DPH6: variants seen among roughly 807,000 people sequenced by gnomAD.
DPH6 encodes the protein diphthine--ammonia ligase.
A neutral mutation model predicts 38.2 loss-of-function variants in DPH6; 33 were observed. The ratio of observed to expected loss-of-function variants is 0.86; its 90% CI spans 0.65 to 1.15. The LOEUF is 1.15. DPH6 is among the 50% of genes most tolerant of loss of function. The pLI is 0.00. For synonymous variants in DPH6, 108 were observed against 103.0 expected, an observed-to-expected ratio of 1.05 and a Z score of -0.30; for missense variants, 325 against 320.0, an observed-to-expected ratio of 1.02 and a Z score of -0.12.
At chr15:35,168,804 C>G in the DPH6 span, among the ~76,000 whole-genome samples, 1 of 152,072 alleles carries the variant, frequency 6.6e-6, no homozygotes, top group Admixed American at 6.6e-5. Context: ...AAAACTACTC[C>G]TAGTAGAACA....
chr15:35,242,057 C>T (rs564460891), intron 3 of DPH6, among the ~76,000 whole-genome samples: 5,930 of 143,212 alleles, frequency 0.041, 643 homozygotes, highest in African/African-American at 0.14. Flanking sequence ...TTGCACCCGT[C>T]ATCCCAGCCT....
At chr15:35,231,144 T>C (rs1328060753) in intron 3 of DPH6, among the ~76,000 whole-genome samples, 1 of 152,234 alleles carries the variant, frequency 6.6e-6, no homozygotes, top group Non-Finnish European at 1.5e-5. Context: ...CCCAGAGCAC[T>C]GTAGACTGTG....
At chr15:35,502,470 T>C (rs1417597707) in intron 3 of DPH6, among the ~76,000 whole-genome samples, 4 of 152,174 alleles carry the variant, frequency 2.6e-5, no homozygotes, top group African/African-American at 9.6e-5. Flanking sequence ...TTTATATTGA[T>C]GAATCTAAAC....
chr15:35,492,258 C>T (rs1004520302), intron 3 of DPH6, among the ~76,000 whole-genome samples: 4 of 152,102 alleles, frequency 2.6e-5, no homozygotes, highest in African/African-American at 9.7e-5. Context: ...ACTCCGTTTA[C>T]AAATTCAAAT....
chr15:35,510,375 A>G (rs946508888), intron 3 of DPH6, among the ~76,000 whole-genome samples: 8 of 152,196 alleles, frequency 5.3e-5, no homozygotes, highest in African/African-American at 1.9e-4. Context: ...TTATTGCTGG[A>G]AGCTCTGTCC....
intron 6 of DPH6, among the ~76,000 whole-genome samples, chr15:35,390,391 C>T (rs1253533483): frequency 1.3e-5 from 2 of 152,172 alleles, no homozygotes; most frequent in African/African-American, 4.8e-5. Flanking sequence ...GTTGGCCTGC[C>T]TTGCTAGATT....
chr15:35,152,780 T>C, the DPH6 span, among the ~76,000 whole-genome samples: 10 of 152,340 alleles, frequency 6.6e-5, no homozygotes, highest in African/African-American at 2.4e-4. Context: ...ATTACAGGTG[T>C]GAGCCACTCA....
At chr15:35,454,570 A>G (rs1313185007) in intron 4 of DPH6, among the ~76,000 whole-genome samples, 177 bp downstream of exon 4, 1 of 152,136 alleles carries the variant, frequency 6.6e-6, no homozygotes, top group Non-Finnish European at 1.5e-5. Flanking sequence ...GTGAGATATA[A>G]GGATAGAAAA....
chr15:35,458,660 C>T (rs371951090), intron 3 of DPH6, among the ~76,000 whole-genome samples: 13 of 152,120 alleles, frequency 8.5e-5, no homozygotes, highest in African/African-American at 3.1e-4. Context: ...TGTACTGAGA[C>T]AGCATAAAGA....
rs190234543 is a variant in DPH6, at chr15:35,238,988, A to G, written n.201-18406T>C. 3.5e-3 allele frequency among the ~76,000 whole-genome samples: 515 copies of G among 145,512 alleles called. 17 individuals carry two copies. The highest frequency in any genetic ancestry group is 0.012 in the African/African-American group (492 of 40,120). On this transcript the variant is annotated intron_variant and non_coding_transcript_variant, in intron 3 of 3. Transcript: ENST00000560386. ...CTCTTTTCGGACTCAGCCCGCCTGC[A>G]CCCAGGTGAAATAAACAGCCATGTT...
intron 3 of DPH6, among the ~76,000 whole-genome samples, chr15:35,530,485 T>C (rs761347873): frequency 2.0e-5 from 3 of 152,048 alleles, no homozygotes; most frequent in Non-Finnish European, 4.4e-5. Flanking sequence ...GAAAGGAATA[T>C]AGGATATAAA....
intron 5 of DPH6, among the ~76,000 whole-genome samples, chr15:35,425,405 T>C (rs1383058127): frequency 6.6e-6 from 1 of 151,592 alleles, no homozygotes; most frequent in Non-Finnish European, 1.5e-5. Context: ...GACAGAGCCA[T>C]ATGTTTTACT....
chr15:35,185,360 A>G, the DPH6 span, among the ~76,000 whole-genome samples: 1 of 152,188 alleles, frequency 6.6e-6, no homozygotes, highest in African/African-American at 2.4e-5. Flanking sequence ...ATAGCAGGAT[A>G]CTCAACAAGC....
At chr15:35,288,861 C>T (rs2051960988) in intron 3 of DPH6, among the ~76,000 whole-genome samples, 1 of 152,268 alleles carries the variant, frequency 6.6e-6, no homozygotes, top group East Asian at 1.9e-4. Flanking sequence ...GCCACCACTG[C>T]CCCACTTCTG....
chr15:35,522,337 G>T (rs1441341968), intron 3 of DPH6: 2 of 1,546,028 alleles, frequency 1.3e-6, no homozygotes, highest in Admixed American at 3.8e-5. Context: ...ACCAGAAAAA[G>T]CCCTGAGGCT....
At chr15:35,421,248 A>G (rs1054053729) in intron 5 of DPH6, among the ~76,000 whole-genome samples, 5 of 152,224 alleles carry the variant, frequency 3.3e-5, no homozygotes, top group African/African-American at 1.2e-4. Context: ...AAACTCTTTC[A>G]AGAAAACTAA....
At chr15:35,239,834 T>C (rs867736016) in intron 3 of DPH6, among the ~76,000 whole-genome samples, 1 of 141,926 alleles carries the variant, frequency 7.0e-6, no homozygotes, top group African/African-American at 2.5e-5. Flanking sequence ...CAACCTCTTA[T>C]CTCTGTGCCC....
At chr15:35,400,701 C>G in intron 6 of DPH6, 1 of 685,436 alleles carries the variant, frequency 1.5e-6, no homozygotes, top group South Asian at 1.7e-5. Context: ...ATGTCTAAGT[C>G]AGAGTCTCCA....
chr15:35,217,101 G>A (rs1027799154), downstream of DPH6, among the ~76,000 whole-genome samples: 1 of 152,162 alleles, frequency 6.6e-6, no homozygotes, highest in African/African-American at 2.4e-5. Flanking sequence ...TGATAATAAT[G>A]TTAAGTAGAG....
Sources: gnomAD v4.1 joint callset for allele counts (sites outside exome capture counted in the v4.1 genomes callset) on GRCh38, gnomAD v4.1.1 for gene constraint, MANE v1.5 for transcripts, NCBI Gene and HGNC (gene_info 2026-07-23, HGNC 2026-07-21) for gene names.